Variants in IFT74 observed in about 807,000 individuals in gnomAD.
IFT74 encodes the protein intraflagellar transport protein 74 homolog.
IFT74 carries 92 observed loss-of-function variants against 96.7 expected under a neutral mutation model. The observed-to-expected ratio is 0.95, with a 90% CI of 0.80 to 1.13. The LOEUF (loss-of-function observed/expected upper bound fraction) is 1.13, where lower values mean the gene tolerates loss of function less well. Ranked by LOEUF, IFT74 falls within the 50% of genes most tolerant of loss-of-function variation. The probability of loss-of-function intolerance (pLI) is 0.00; values close to 1 mark genes in which losing one functional copy is unlikely to be tolerated. For missense variants in IFT74, 811 were observed against 698.2 expected (o/e 1.16, Z -1.82); for synonymous variants, 223 against 213.2 (o/e 1.05, Z -0.40).
At chr9:27,038,365 C>G (rs1210319818) in intron 13 of IFT74, among the ~76,000 whole-genome samples, 2 of 152,186 alleles carry the variant, frequency 1.3e-5, no homozygotes, top group Non-Finnish European at 2.9e-5. Context: ...TGGGTTCAAG[C>G]AGTTCTCACG....
chr9:27,033,152 A>G (rs920488000), intron 13 of IFT74, among the ~76,000 whole-genome samples: 2 of 152,160 alleles, frequency 1.3e-5, no homozygotes, highest in South Asian at 4.1e-4. Context: ...TCTGAGCTTG[A>G]GTCTTTTCAT....
At chr9:27,056,273 G>A in intron 17 of IFT74, 61 bp from the exon 18 acceptor site, 1 of 1,256,358 alleles carries the variant, frequency 8.0e-7, no homozygotes, top group Non-Finnish European at 1.1e-6. Flanking sequence ...AGTTAAATAT[G>A]ATTTATATTG....
rs1298075416 is a variant in IFT74 at position 26,997,590 on chromosome 9, T to C, written c.587+7395T>C. On this transcript the variant is annotated intron_variant, in intron 8 of 19. Transcript: ENST00000380062. ...CTCAGGTGATCCCCCTGCCTTGGCC[T>C]CCCATAGTGATGGGATTACAGGCAT... 5.6e-6 allele frequency: 5 copies of C among 895,164 alleles called. No homozygotes were observed. In the African/African-American group the frequency reaches 8.5e-5, roughly 15 times the overall value. 55.5% of individuals were successfully genotyped at this position (895,164 alleles called of 1,614,324 possible).
At position 27,063,604 on chromosome 9, in the gene IFT74, G is replaced by A. The variant is rs1379592243; in HGVS notation, c.*868G>A. On this transcript the variant is annotated 3_prime_UTR_variant, in exon 20 of 20. Coordinates refer to ENST00000380062, the MANE Select transcript of IFT74 (RefSeq NM_025103.4). ...GTGCAGGAATGAGTCACCTTGGCCA[G>A]CATAAAATATTACTTAAAACTATCC... Among the ~76,000 whole-genome samples the A allele has an allele frequency of 6.6e-6, 1 of 152,002 alleles. No homozygotes were observed. The highest frequency in any genetic ancestry group is 1.5e-5 in the Non-Finnish European group (1 of 67,922).
intron 8 of IFT74, chr9:26,996,385 T>C (rs768830461): frequency 4.3e-6 from 7 of 1,610,966 alleles, no homozygotes; most frequent in Non-Finnish European, 5.9e-6. Context: ...AATATAAAGA[T>C]CTTCAGTTAC....
At chr9:27,008,646 C>T (rs1359925298) in intron 8 of IFT74, among the ~76,000 whole-genome samples, 1 of 152,050 alleles carries the variant, frequency 6.6e-6, no homozygotes, top group Non-Finnish European at 1.5e-5. Context: ...AGACGTGAGC[C>T]ACCGAGCGCA....
intron 1 of IFT74, among the ~76,000 whole-genome samples, chr9:26,961,429 A>C (rs1007860373): frequency 3.4e-4 from 51 of 152,062 alleles, no homozygotes; most frequent in African/African-American, 1.2e-3. Flanking sequence ...AATGTTTTGA[A>C]AGTGACCCTG....
At chr9:27,030,151 C>G (rs750969007) in intron 13 of IFT74, among the ~76,000 whole-genome samples, 2 of 152,160 alleles carry the variant, frequency 1.3e-5, no homozygotes, top group South Asian at 2.1e-4. Context: ...CATAGTTTAA[C>G]TGCAAACCAG....
chr9:26,974,881 C>T (rs556765494), intron 2 of IFT74, among the ~76,000 whole-genome samples: 56 of 152,284 alleles, frequency 3.7e-4, no homozygotes, highest in African/African-American at 1.3e-3. Context: ...ATTTACAAAG[C>T]CAATGGCTCC....
intron 1 of IFT74, among the ~76,000 whole-genome samples, chr9:26,961,705 A>G (rs1395194720): frequency 6.6e-6 from 1 of 152,166 alleles, no homozygotes; most frequent in South Asian, 2.1e-4. Context: ...AAAGAAATAG[A>G]TAATAGAGGG....
At chr9:27,026,831 A>G (rs1000852022) in intron 12 of IFT74, among the ~76,000 whole-genome samples, 1 of 152,236 alleles carries the variant, frequency 6.6e-6, no homozygotes, top group African/African-American at 2.4e-5. Context: ...AGCAGTGCCT[A>G]GAGGAACATT....
rs137873170 is a variant in IFT74 at position 27,008,891 on chromosome 9, C to T, written c.588-129C>T. 1.1e-3 allele frequency: 783 copies of T among 714,592 alleles called. 2 individuals are homozygous for T. The African/African-American group carries it at 0.012, about 11-fold the overall frequency. The allele number at this position is 714,592 out of a possible 1,614,324, so 44.3% of individuals were successfully genotyped here. A position where few individuals can be genotyped will look rare whatever the true frequency, so the allele number is the denominator to read the frequency against. On this transcript the variant is annotated intron_variant, in intron 8 of 19. Coordinates refer to ENST00000380062, the MANE Select transcript of IFT74 (RefSeq NM_025103.4). ...GCATTTTTTAGTACAAATATAAAGA[C>T]TTTTCAGTCACACACTGTGGTTGAA...
At chr9:26,988,382 T>C (rs1403221968) in intron 6 of IFT74, among the ~76,000 whole-genome samples, 2 of 152,206 alleles carry the variant, frequency 1.3e-5, no homozygotes, top group Non-Finnish European at 2.9e-5. Context: ...CAGCCATCTT[T>C]TCAGAGCAGG....
chr9:27,009,252 T>G (rs1431139673), intron 9 of IFT74, 94 bp downstream of exon 9: 1 of 1,085,872 alleles, frequency 9.2e-7, no homozygotes, highest in Admixed American at 2.3e-5. Context: ...CCCTGAGAAC[T>G]TGACTATACT....
chr9:27,023,489 C>G (rs2131631690), intron 12 of IFT74, among the ~76,000 whole-genome samples: 1 of 152,244 alleles, frequency 6.6e-6, no homozygotes, highest in East Asian at 1.9e-4. Context: ...TCACTCATCC[C>G]TGCATCTCTG....
chr9:27,040,126 A>G (rs1819396968), intron 13 of IFT74, among the ~76,000 whole-genome samples: 2 of 152,208 alleles, frequency 1.3e-5, no homozygotes, highest in African/African-American at 4.8e-5. Context: ...GGTTATGTAG[A>G]CTATGGAGAG....
intron 13 of IFT74, among the ~76,000 whole-genome samples, chr9:27,038,650 G>C (rs1267865926): frequency 6.6e-6 from 1 of 152,138 alleles, no homozygotes; most frequent in Non-Finnish European, 1.5e-5. Flanking sequence ...GTGACTTCGA[G>C]GAACACATAG....
intron 2 of IFT74, among the ~76,000 whole-genome samples, chr9:26,975,514 A>G (rs908654346): frequency 2.6e-5 from 4 of 152,186 alleles, no homozygotes; most frequent in Non-Finnish European, 4.4e-5. Context: ...TTCTTTCATT[A>G]TCTTTCCAAT....
intron 8 of IFT74, chr9:26,995,351 G>T: frequency 1.9e-6 from 1 of 539,980 alleles, no homozygotes; most frequent in Non-Finnish European, 3.3e-6. Context: ...TACTGTATTT[G>T]AACCTGCTTG....
Sources: allele counts gnomAD v4.1 joint callset (sites outside exome capture counted in the v4.1 genomes callset), GRCh38; gene constraint gnomAD v4.1.1; transcripts MANE v1.5; gene names NCBI Gene and HGNC (gene_info 2026-07-23, HGNC 2026-07-21).